The following WDR36 variants were observed in gnomAD, a reference collection of about 807,000 sequenced individuals.
WDR36 encodes the protein WD repeat-containing protein 36.
WDR36 carries 63 observed loss-of-function variants against 112.7 expected under a neutral mutation model. The ratio of observed to expected loss-of-function variants is 0.56; its 90% CI spans 0.46 to 0.69. The LOEUF (loss-of-function observed/expected upper bound fraction) is 0.69. Among genes scored for constraint, WDR36 ranks in the 30% least tolerant of loss-of-function variants. The pLI is 0.00. For missense variants in WDR36, 1,226 were observed against 1,070.3 expected (o/e 1.15, Z -2.03); for synonymous variants, 410 against 362.2 (o/e 1.13, Z -1.50).
chr5:111,104,577 C>T lies in WDR36; in HGVS notation c.907-120C>T. ...AATACCCACTCCCTCCCTTGTAGCT[C>T]CAGAGTCAGTGGCTTAGCAAGCACT... On this transcript the variant is annotated intron_variant, in intron 8 of 22. Transcript: ENST00000513710. 9.3e-6 allele frequency: 14 copies of T among 1,497,370 alleles called. No individual in the cohort carries two copies. In the South Asian group the frequency reaches 1.5e-4, roughly 16 times the overall value. The allele number at this position is 1,497,370 out of a possible 1,614,324, so 92.8% of individuals were successfully genotyped here. A position where few individuals can be genotyped will look rare whatever the true frequency, so the allele number is the denominator to read the frequency against.
intron 16 of WDR36, 89 bp from the exon 17 acceptor site, chr5:111,118,924 T>C (rs981295376): frequency 4.0e-6 from 4 of 1,001,694 alleles, no homozygotes; most frequent in Admixed American, 1.7e-5. Context: ...GCATCTCTTA[T>C]CCCTTATCTT....
Position 111,110,933 on chromosome 5 carries a change from C to G in WDR36, c.1587C>G (p.Ile529Met). The change falls in exon 14 of 23, where the codon ATC becomes ATG. Residue 529 changes from isoleucine (I) to methionine (M), a missense_variant. Physicochemically the swap from Ile to Met is conservative, Grantham distance 10. Coordinates refer to ENST00000513710, the MANE Select transcript of WDR36 (RefSeq NM_139281.3). ...TGAGCCTCAGTTCATCTCCAAATAT[C>G]ATGTTGCTACATAGGGACAGGTAAA... ...HSVSLSSSPNIMLLHRDSGIL... is the reference protein window; with the variant it reads ...HSVSLSSSPNMMLLHRDSGIL... 1 of 1,611,178 alleles carries G rather than the reference C, an allele frequency of 6.2e-7. No individual in the cohort carries two copies. The highest frequency in any genetic ancestry group is 8.5e-7 in the Non-Finnish European group (1 of 1,178,322).
At chr5:111,115,070 C>T (rs1334039627) in intron 16 of WDR36, among the ~76,000 whole-genome samples, 1 of 152,002 alleles carries the variant, frequency 6.6e-6, no homozygotes, top group East Asian at 1.9e-4. Flanking sequence ...ATTTTCAGCT[C>T]TAGTATCTTT....
intron 12 of WDR36, among the ~76,000 whole-genome samples, chr5:111,109,304 C>G (rs1041707049): frequency 6.6e-6 from 1 of 151,264 alleles, no homozygotes; most frequent in Non-Finnish European, 1.5e-5. Context: ...TGCTTTTTAA[C>G]CATAGTAATT....
chr5:111,107,937 G>T (rs1753251859), intron 12 of WDR36, among the ~76,000 whole-genome samples: 1 of 151,012 alleles, frequency 6.6e-6, no homozygotes, highest in African/African-American at 2.4e-5. Flanking sequence ...CAGGTTTTTT[G>T]TTCTTTTTTC....
chr5:111,125,729 T>G lies in WDR36; in HGVS notation c.2472T>G (p.Ile824Met), dbSNP rs1332301051. ...IEVMQSFLKM[I>M]GMMLDRKRDF... ...TTATGCAGAGCTTCTTGAAAATGATTGGGATGATGCTGGACAGAAAGCGTG... is the reference window on the plus strand; with the variant it reads ...TTATGCAGAGCTTCTTGAAAATGATGGGGATGATGCTGGACAGAAAGCGTG... The change falls in exon 22 of 23, where the codon ATT becomes ATG. Residue 824 changes from isoleucine to methionine, a missense_variant. Ile to Met is a conservative substitution (Grantham distance 10). Coordinates refer to ENST00000513710, the MANE Select transcript of WDR36 (RefSeq NM_139281.3). 10 of 1,613,814 alleles carry G rather than the reference T, an allele frequency of 6.2e-6. No homozygotes were observed. The highest frequency in any genetic ancestry group is 1.3e-5 in the African/African-American group (1 of 74,908).
intron 19 of WDR36, among the ~76,000 whole-genome samples, chr5:111,123,226 A>G (rs1037631942): frequency 6.6e-6 from 1 of 152,190 alleles, no homozygotes; most frequent in African/African-American, 2.4e-5. Context: ...CATTTGAAAT[A>G]CTTATAAACC....
In WDR36 at chr5:111,110,770, T is replaced by A; in HGVS notation, c.1442-18T>A. 6.2e-7 allele frequency: 1 copy of A among 1,608,058 alleles called. No individual in the cohort carries two copies. The highest frequency in any genetic ancestry group is 1.1e-5 in the South Asian group (1 of 90,654). The stretch of plus-strand genomic sequence containing the variant: ...TGCCAATTCTGATTTTTTTTTTCTT[T>A]TGACATCTACCTTACAGCTCACAAG... On this transcript the variant is annotated intron_variant, in intron 13 of 22. Transcript: ENST00000513710.
Position 111,116,810 on chromosome 5 carries a change from A to G in WDR36, c.1797-2203A>G, listed in dbSNP as rs954392968. 3.9e-5 allele frequency among the ~76,000 whole-genome samples: 6 copies of G among 152,330 alleles called. No homozygotes were observed. In the South Asian group the frequency reaches 6.2e-4, roughly 16 times the overall value. ...ACAGCTGTGGAAATGAAGTTACACAATGAAGTTGACAAGATAATTATAGTT... is the reference window on the plus strand; with the variant it reads ...ACAGCTGTGGAAATGAAGTTACACAGTGAAGTTGACAAGATAATTATAGTT... On this transcript the variant is annotated intron_variant, in intron 16 of 22. Transcript: ENST00000513710.
At chr5:111,108,625 CTG>C (rs1580397051) in intron 12 of WDR36, among the ~76,000 whole-genome samples, 1 of 151,436 alleles carries the variant, frequency 6.6e-6, no homozygotes, top group South Asian at 2.1e-4. Context: ...GTAACATTTT[CTG>C]TGTGATTACT....
intron 19 of WDR36, among the ~76,000 whole-genome samples, 183 bp from the exon 20 acceptor site, chr5:111,123,622 G>A (rs1753614367): frequency 1.3e-5 from 2 of 152,154 alleles, no homozygotes; most frequent in Admixed American, 1.3e-4. Context: ...TCTGCATTGG[G>A]AAGCCCAAGT....
intron 1 of WDR36, among the ~76,000 whole-genome samples, chr5:111,094,558 T>C (rs1752937440): frequency 1.3e-5 from 2 of 152,212 alleles, no homozygotes; most frequent in African/African-American, 4.8e-5. Flanking sequence ...TCAGTATCTA[T>C]AGATAAAAGT....
chr5:111,092,661 C>T (rs537895123), intron 1 of WDR36, 43 bp downstream of exon 1: 1 of 1,584,830 alleles, frequency 6.3e-7, no homozygotes, highest in Admixed American at 1.8e-5. Context: ...AACCACCCTC[C>T]TTGGCCTCTA....
intron 4 of WDR36, among the ~76,000 whole-genome samples, chr5:111,099,446 T>C (rs1753067587): frequency 1.0e-5 from 1 of 95,394 alleles, no homozygotes; most frequent in African/African-American, 4.4e-5. Flanking sequence ...TCTTGGTTTT[T>C]TTTTGTTTTT....
intron 2 of WDR36, among the ~76,000 whole-genome samples, chr5:111,096,614 G>C (rs1186175152): frequency 2.6e-5 from 4 of 151,980 alleles, no homozygotes; most frequent in African/African-American, 7.2e-5. Flanking sequence ...TGAGGCAGGA[G>C]AATCAGTTAA....
Position 111,113,069 on chromosome 5 carries a change from T to G in WDR36, c.1717-5T>G, listed in dbSNP as rs1246527868. 3.2e-6 allele frequency: 4 copies of G among 1,263,340 alleles called. No homozygotes were observed. Among genetic ancestry groups the G allele is most frequent in the Non-Finnish European group, 4.1e-6 (4 of 967,302 alleles). 78.3% of individuals were successfully genotyped at this position (1,263,340 alleles called of 1,614,324 possible). ...ATATATATATTTTTTTTTTTTAATT[T>G]AAAGGCTTTTAGTCCTGATGGTCGT... On this transcript the variant is annotated splice_polypyrimidine_tract_variant and splice_region_variant and intron_variant, in intron 15 of 22. Transcript: ENST00000513710.
intron 6 of WDR36, among the ~76,000 whole-genome samples, chr5:111,103,360 C>T (rs1270256473): frequency 2.0e-5 from 3 of 151,748 alleles, no homozygotes; most frequent in East Asian, 3.9e-4. Flanking sequence ...CTTGGATAAG[C>T]AATTCTTCAC....
chr5:111,125,877 G>A (rs971471045), intron 22 of WDR36, 82 bp downstream of exon 22: 38 of 1,412,750 alleles, frequency 2.7e-5, no homozygotes, highest in South Asian at 4.7e-5. Context: ...GCAAAGATGG[G>A]TATGCTGTAT....
intron 2 of WDR36, among the ~76,000 whole-genome samples, chr5:111,095,926 G>T (rs1047649533): frequency 3.3e-5 from 5 of 152,062 alleles, no homozygotes; most frequent in Non-Finnish European, 7.4e-5. Context: ...ATCAAATATG[G>T]TTCTTGTGAG....
Sources: allele counts gnomAD v4.1 joint callset (sites outside exome capture counted in the v4.1 genomes callset), GRCh38; gene constraint gnomAD v4.1.1; transcripts MANE v1.5; gene names NCBI Gene and HGNC (gene_info 2026-07-23, HGNC 2026-07-21).